ADAMTS3: variants seen among roughly 807,000 people sequenced by gnomAD.
ADAMTS3 encodes the protein A disintegrin and metalloproteinase with thrombospondin motifs 3.
Under a neutral mutation model 129.0 loss-of-function variants are expected in ADAMTS3, and 73 were observed. The ratio of observed to expected loss-of-function variants is 0.57; its 90% CI spans 0.47 to 0.69. The LOEUF (loss-of-function observed/expected upper bound fraction) is 0.69, where lower values mean the gene tolerates loss of function less well. Among genes scored for constraint, ADAMTS3 ranks in the 30% least tolerant of loss-of-function variants. The pLI, the probability that ADAMTS3 is intolerant of heterozygous loss-of-function variation, is 0.00. For missense variants in ADAMTS3, 1,457 were observed against 1,514.5 expected (o/e 0.96, Z 0.63); for synonymous variants, 477 against 510.8 (o/e 0.93, Z 0.89).
At chr4:72,354,737 C>A (rs2109848285) in intron 4 of ADAMTS3, among the ~76,000 whole-genome samples, 1 of 152,150 alleles carries the variant, frequency 6.6e-6, no homozygotes, top group Non-Finnish European at 1.5e-5. Context: ...TCTTGTATAA[C>A]ATTTCCAGGC....
intron 4 of ADAMTS3, among the ~76,000 whole-genome samples, chr4:72,348,580 T>C (rs1720346835): frequency 6.6e-6 from 1 of 152,040 alleles, no homozygotes; most frequent in African/African-American, 2.4e-5. Context: ...ATTCCTACGA[T>C]TATGTTATGT....
intron 4 of ADAMTS3, among the ~76,000 whole-genome samples, chr4:72,371,600 G>A (rs892378956): frequency 6.6e-6 from 1 of 151,830 alleles, no homozygotes; most frequent in South Asian, 2.1e-4. Context: ...CACAGCAATT[G>A]TAAATTTGCA....
intron 3 of ADAMTS3, among the ~76,000 whole-genome samples, chr4:72,429,313 C>T (rs964555017): frequency 5.9e-5 from 9 of 151,986 alleles, no homozygotes; most frequent in Non-Finnish European, 1.0e-4. Context: ...GTCCTATATA[C>T]ATTTCACAGA....
chr4:72,477,869 G>A (rs778784202), intron 3 of ADAMTS3, among the ~76,000 whole-genome samples: 3 of 151,940 alleles, frequency 2.0e-5, no homozygotes, highest in African/African-American at 4.8e-5. Flanking sequence ...TATCACCACC[G>A]ATCCCACCGA....
At chr4:72,477,613 A>G (rs1157402048) in intron 3 of ADAMTS3, among the ~76,000 whole-genome samples, 4 of 152,160 alleles carry the variant, frequency 2.6e-5, no homozygotes, top group Admixed American at 6.5e-5. Context: ...TTGACACCCT[A>G]ACATCACAAT....
chr4:72,434,752 T>C (rs915264211), intron 3 of ADAMTS3, among the ~76,000 whole-genome samples: 2 of 151,888 alleles, frequency 1.3e-5, no homozygotes, highest in Admixed American at 1.3e-4. Flanking sequence ...GTATCCTGTG[T>C]GGGACTGACT....
chr4:72,539,461 A>T (rs1039437663), intron 3 of ADAMTS3, among the ~76,000 whole-genome samples: 1 of 102,912 alleles, frequency 9.7e-6, no homozygotes, highest in African/African-American at 3.8e-5. Flanking sequence ...AACACCACCC[A>T]CCTCCCAACC....
At chr4:72,534,137 C>T (rs2109768831) in intron 3 of ADAMTS3, among the ~76,000 whole-genome samples, 1 of 152,202 alleles carries the variant, frequency 6.6e-6, no homozygotes, top group South Asian at 2.1e-4. Context: ...ACCATCCTGG[C>T]TAACACGGTG....
chr4:72,311,065 C>T lies in ADAMTS3; in HGVS notation c.2038G>A (p.Val680Met). ...CSYKDPYSIC[V>M]RGECVKVGCD... is the part of the protein sequence containing the mutation. ...GAACTTACCACACACTCTCCTCGCA[C>T]ACATATGCTATATGGATCTTTGTAA... The change falls in exon 14 of 22, where the codon GTG becomes ATG. Residue 680 changes from valine to methionine, a missense_variant. Coordinates refer to ENST00000286657, the MANE Select transcript of ADAMTS3 (RefSeq NM_014243.3). 2 of 1,608,708 alleles carry T rather than the reference C, an allele frequency of 1.2e-6. No individual in the cohort carries two copies. Among genetic ancestry groups the T allele is most frequent in the East Asian group, 2.2e-5 (1 of 44,734 alleles).
chr4:72,550,039 A>AGAG (rs1553922702), intron 2 of ADAMTS3, among the ~76,000 whole-genome samples: 1 of 18,716 alleles, frequency 5.3e-5, no homozygotes. Flanking sequence ...AAGAAGAAGA[A>AGAG]GAAGAGGAAG....
intron 3 of ADAMTS3, among the ~76,000 whole-genome samples, chr4:72,509,198 A>T (rs1318417212): frequency 2.0e-5 from 3 of 151,942 alleles, no homozygotes; most frequent in Non-Finnish European, 4.4e-5. Context: ...AAACAATCTA[A>T]TGATGCATCT....
chr4:72,565,549 G>A (rs1722001156), intron 2 of ADAMTS3, among the ~76,000 whole-genome samples: 1 of 151,920 alleles, frequency 6.6e-6, no homozygotes, highest in African/African-American at 2.4e-5. Flanking sequence ...AAGACCTGTG[G>A]GCCAAAATCT....
rs529955693 is a variant in ADAMTS3, at chr4:72,560,222, A to AT, written c.97+7151_97+7152insA. On this transcript the variant is annotated intron_variant, in intron 2 of 21. Coordinates refer to ENST00000286657, the MANE Select transcript of ADAMTS3 (RefSeq NM_014243.3). ...ACTTAAATGTAAAACCCAAAACTAT[A>AT]AAAAAAAAAAACCTATAAAAACCCT... Among the ~76,000 whole-genome samples, 12 of 752 alleles carry AT rather than the reference A, an allele frequency of 0.016. No homozygotes were observed. The South Asian group carries it at 0.42, about 26-fold the overall frequency. The allele number at this position is 752 out of a possible 152,430, so 0.5% of individuals were successfully genotyped here.
At chr4:72,452,512 T>A (rs558780797) in intron 3 of ADAMTS3, among the ~76,000 whole-genome samples, 22 of 151,910 alleles carry the variant, frequency 1.4e-4, no homozygotes, top group Non-Finnish European at 2.4e-4. Flanking sequence ...TGCCATTGTC[T>A]GGTTGGGAGC....
Position 72,519,131 on chromosome 4 carries a change from C to A in ADAMTS3, c.504+29347G>T, listed in dbSNP as rs373530990. Among the ~76,000 whole-genome samples, 295 of 151,090 alleles carry A rather than the reference C, an allele frequency of 2.0e-3. 2 individuals carry two copies. The East Asian group carries it at 0.022, about 11-fold the overall frequency. ...TGGCTGGATATGAAATTCTGGGTTGCAAATTCTTTTCTTTAAGAATGTTGA... is the reference window on the plus strand; with the variant it reads ...TGGCTGGATATGAAATTCTGGGTTGAAAATTCTTTTCTTTAAGAATGTTGA... On this transcript the variant is annotated intron_variant, in intron 3 of 21. Transcript: ENST00000286657.
intron 3 of ADAMTS3, among the ~76,000 whole-genome samples, chr4:72,530,729 T>G (rs1463589907): frequency 3.0e-5 from 2 of 67,322 alleles, no homozygotes; most frequent in East Asian, 9.7e-4. Flanking sequence ...ATATTATACA[T>G]TATATATTAT....
chr4:72,476,733 T>C (rs73825549), intron 3 of ADAMTS3, among the ~76,000 whole-genome samples: 5,876 of 152,060 alleles, frequency 0.039, 367 homozygotes, highest in African/African-American at 0.13. Flanking sequence ...TAAATATTCA[T>C]GCAAAAAATC....
intron 3 of ADAMTS3, among the ~76,000 whole-genome samples, chr4:72,521,522 A>G (rs975046888): frequency 5.9e-5 from 9 of 152,224 alleles, no homozygotes; most frequent in Non-Finnish European, 8.8e-5. Flanking sequence ...TAAAGTATTT[A>G]GCATATTGTG....
chr4:72,313,157 C>T lies in ADAMTS3; in HGVS notation c.1745+520G>A, dbSNP rs372011090. Among the ~76,000 whole-genome samples the T allele has an allele frequency of 3.3e-5, 5 of 152,144 alleles. No homozygotes were observed. In the East Asian group the frequency reaches 5.8e-4, roughly 18 times the overall value. On this transcript the variant is annotated intron_variant, in intron 12 of 21. Coordinates refer to ENST00000286657, the MANE Select transcript of ADAMTS3 (RefSeq NM_014243.3). Reference sequence around the variant, plus strand: ...GTGAGAATTCAGTTGTTTTTTTCTTCGTAAAGATTGCTGAGCACACAATAG... The same window carrying T: ...GTGAGAATTCAGTTGTTTTTTTCTTTGTAAAGATTGCTGAGCACACAATAG...
Sources: gnomAD v4.1 joint callset for allele counts (sites outside exome capture counted in the v4.1 genomes callset) on GRCh38, gnomAD v4.1.1 for gene constraint, MANE v1.5 for transcripts, NCBI Gene and HGNC (gene_info 2026-07-23, HGNC 2026-07-21) for gene names.